DNAAF9: variants seen among roughly 807,000 people sequenced by gnomAD.
DNAAF9 encodes the protein shulin.
In DNAAF9, 90 loss-of-function variants were observed where a neutral mutation model predicts 167.0. The ratio of observed to expected loss-of-function variants is 0.54; its 90% CI spans 0.45 to 0.64. The LOEUF (loss-of-function observed/expected upper bound fraction) is 0.64. Among genes scored for constraint, DNAAF9 ranks in the 30% least tolerant of loss-of-function variants. The pLI is 0.00. For synonymous variants in DNAAF9, 491 were observed against 508.8 expected (o/e 0.96, Z 0.47); for missense variants, 1,315 against 1,442.2 (o/e 0.91, Z 1.43).
chr20:3,384,132 C>T (rs1255248748), intron 1 of DNAAF9: 1 of 152,220 alleles, frequency 6.6e-6, no homozygotes, highest in African/African-American at 2.4e-5. Flanking sequence ...TATGCCCCAA[C>T]TCATTCATTC....
chr20:3,328,736 C>G (rs1335569911), intron 12 of DNAAF9, among the ~76,000 whole-genome samples: 1 of 152,020 alleles, frequency 6.6e-6, no homozygotes, highest in Non-Finnish European at 1.5e-5. Flanking sequence ...TGACTTGTTG[C>G]TAAGGAAAGG....
At chr20:3,387,306 TA>T (rs1338771831) in intron 1 of DNAAF9, among the ~76,000 whole-genome samples, 1 of 152,144 alleles carries the variant, frequency 6.6e-6, no homozygotes, top group Non-Finnish European at 1.5e-5. Context: ...ATAAGACAGA[TA>T]TACAGACCAA....
chr20:3,312,424 T>TA lies in DNAAF9; in HGVS notation c.1678+2608dup, dbSNP rs1007697332. On this transcript the variant is annotated intron_variant, in intron 20 of 36. Transcript: ENST00000252032. ...CATCTCAGTCAGGGTGAGGGGGCTTTAAAAAAAAAAAAGTATGGAAAAAAT... is the reference window on the plus strand; with the variant it reads ...CATCTCAGTCAGGGTGAGGGGGCTTTAAAAAAAAAAAAAGTATGGAAAAAAT... Among the ~76,000 whole-genome samples, 462 of 145,544 alleles carry TA rather than the reference T, an allele frequency of 3.2e-3. 1 individual carries two copies. Among genetic ancestry groups the TA allele is most frequent in the African/African-American group, 9.9e-3 (394 of 39,868 alleles).
chr20:3,343,797 A>C, intron 8 of DNAAF9, 66 bp from the exon 9 acceptor site: 1 of 1,203,242 alleles, frequency 8.3e-7, no homozygotes, highest in Non-Finnish European at 1.2e-6. Flanking sequence ...AAAACCCCTC[A>C]CATATGTATG....
intron 6 of DNAAF9, among the ~76,000 whole-genome samples, chr20:3,371,924 C>T (rs769195887): frequency 3.9e-5 from 6 of 152,052 alleles, no homozygotes; most frequent in Non-Finnish European, 8.8e-5. Context: ...CAGAAAACGC[C>T]CTAGCAGAGG....
At chr20:3,385,799 C>T (rs1405659090) in intron 1 of DNAAF9, among the ~76,000 whole-genome samples, 1 of 152,092 alleles carries the variant, frequency 6.6e-6, no homozygotes, top group African/African-American at 2.4e-5. Flanking sequence ...ATAAAACATA[C>T]ACAGCACTTA....
intron 1 of DNAAF9, among the ~76,000 whole-genome samples, chr20:3,402,402 ACT>A (rs1234741619): frequency 2.0e-5 from 3 of 151,666 alleles, no homozygotes; most frequent in East Asian, 1.9e-4. Flanking sequence ...CTTAATATCC[ACT>A]CTGTTTGCAT....
chr20:3,303,132 C>T (rs1023768276), intron 21 of DNAAF9, among the ~76,000 whole-genome samples: 4 of 151,906 alleles, frequency 2.6e-5, no homozygotes, highest in Non-Finnish European at 2.9e-5. Context: ...GTCTCAGCTA[C>T]TCAGGAGGCT....
At chr20:3,366,656 G>C (rs901396982) in intron 6 of DNAAF9, among the ~76,000 whole-genome samples, 1 of 152,144 alleles carries the variant, frequency 6.6e-6, no homozygotes, top group Non-Finnish European at 1.5e-5. Context: ...TGGGCGCTGT[G>C]GCTCACACAT....
At chr20:3,295,267 G>C (rs1273393549) in intron 23 of DNAAF9, among the ~76,000 whole-genome samples, 1 of 151,962 alleles carries the variant, frequency 6.6e-6, no homozygotes, top group Non-Finnish European at 1.5e-5. Context: ...CTGCCTCCCA[G>C]GTTCCAGAGA....
At chr20:3,296,429 G>A (rs1404986211) in intron 23 of DNAAF9, 1 of 317,680 alleles carries the variant, frequency 3.1e-6, no homozygotes, top group Non-Finnish European at 6.1e-6. Context: ...TCAGGCTGAA[G>A]TGCAATGGCA....
At position 3,396,252 on chromosome 20, in the gene DNAAF9, CTAAT is replaced by C. The variant is rs1355514405; in HGVS notation, c.83+11219_83+11222del. On this transcript the variant is annotated intron_variant, in intron 1 of 36. Coordinates refer to ENST00000252032, the MANE Select transcript of DNAAF9 (RefSeq NM_001009984.3). ...ATTTTTTCAAAGAACTTGCTAAACT[CTAAT>C]TAGTTCTAACAGTTTTGTCTATTGT... Among the ~76,000 whole-genome samples the C allele has an allele frequency of 4.6e-5, 7 of 152,226 alleles. 1 individual carries two copies. The highest frequency in any genetic ancestry group is 4.6e-4 in the Admixed American group (7 of 15,280).
chr20:3,359,550 A>T lies in DNAAF9; in HGVS notation c.656T>A (p.Met219Lys). The T allele has an allele frequency of 1.2e-6, 2 of 1,612,766 alleles. No individual in the cohort carries two copies. Among genetic ancestry groups the T allele is most frequent in the Admixed American group, 1.7e-5 (1 of 59,544 alleles). Residue 219 changes from methionine to lysine, a missense_variant, in exon 7 of 37, where the codon ATG (methionine) becomes AAG (lysine). By Grantham distance (95) the Met-to-Lys change is moderately conservative. Transcript: ENST00000252032. ...CAAACTCTCCAGAGACATAGGATCC[A>T]TCTTGCTGTAGACATTCCATAGATT... is the stretch of plus-strand genomic sequence containing the variant. ...SLNLWNVYSK[M>K]DPMSLESLLS... is the part of the protein sequence containing the mutation.
chr20:3,291,866 C>T (rs1466836800), intron 25 of DNAAF9, among the ~76,000 whole-genome samples: 1 of 152,124 alleles, frequency 6.6e-6, no homozygotes, highest in African/African-American at 2.4e-5. Context: ...AGGCAGTACT[C>T]CATGTTTATC....
chr20:3,330,579 G>T, intron 12 of DNAAF9, 67 bp downstream of exon 12: 1 of 925,672 alleles, frequency 1.1e-6, no homozygotes, highest in Non-Finnish European at 1.8e-6. Flanking sequence ...TCAAAAGGAA[G>T]TACACAGGAC....
intron 6 of DNAAF9, among the ~76,000 whole-genome samples, chr20:3,372,631 G>A (rs2083525580): frequency 6.6e-6 from 1 of 152,204 alleles, no homozygotes; most frequent in African/African-American, 2.4e-5. Context: ...GCCTCCCAGT[G>A]CACTTCTTCC....
chr20:3,351,594 TAA>T (rs2070325997), intron 7 of DNAAF9, among the ~76,000 whole-genome samples: 1 of 151,948 alleles, frequency 6.6e-6, no homozygotes, highest in Admixed American at 6.6e-5. Context: ...ACCTACAGAT[TAA>T]AAGAAACCGA....
chr20:3,395,729 C>A (rs2083898300), intron 1 of DNAAF9, among the ~76,000 whole-genome samples: 1 of 152,122 alleles, frequency 6.6e-6, no homozygotes, highest in Non-Finnish European at 1.5e-5. Flanking sequence ...TTTCCTTCCT[C>A]TCATTTTATA....
chr20:3,404,037 T>C (rs1600940243), intron 1 of DNAAF9, among the ~76,000 whole-genome samples: 1 of 152,184 alleles, frequency 6.6e-6, no homozygotes, highest in African/African-American at 2.4e-5. Flanking sequence ...ATTAGTCCTT[T>C]TGTTTTCTTG....
Sources: gnomAD v4.1 joint callset for allele counts (sites outside exome capture counted in the v4.1 genomes callset) on GRCh38, gnomAD v4.1.1 for gene constraint, MANE v1.5 for transcripts, NCBI Gene and HGNC (gene_info 2026-07-23, HGNC 2026-07-21) for gene names.